Variants in CEP112 observed in about 807,000 individuals in gnomAD.
The protein encoded by CEP112 is centrosomal protein 112.
CEP112 carries 127 observed loss-of-function variants against 153.0 expected under a neutral mutation model. The ratio of observed to expected loss-of-function variants is 0.83; its 90% confidence interval spans 0.72 to 0.96. The LOEUF is 0.96. CEP112 is among the 40% of genes least tolerant of loss of function. The pLI is 0.00. For synonymous variants in CEP112, 358 were observed against 374.4 expected (o/e 0.96, Z 0.51); for missense variants, 1,089 against 1,101.2 (o/e 0.99, Z 0.16).
intron 11 of CEP112, among the ~76,000 whole-genome samples, chr17:66,057,680 A>T (rs1443275): frequency 0.46 from 70,338 of 151,402 alleles, 17,407 homozygotes; most frequent in East Asian, 0.89. Flanking sequence ...AGTGTATCTA[A>T]CATGTGCTTA....
chr17:65,947,584 T>C (rs1373395875), intron 18 of CEP112, among the ~76,000 whole-genome samples: 3 of 152,180 alleles, frequency 2.0e-5, no homozygotes, highest in Admixed American at 2.0e-4. Flanking sequence ...TGAATATTAG[T>C]AGGAAAAAGC....
At chr17:65,859,162 G>A (rs910961453) in intron 20 of CEP112, among the ~76,000 whole-genome samples, 3 of 151,946 alleles carry the variant, frequency 2.0e-5, no homozygotes, top group East Asian at 3.9e-4. Flanking sequence ...AAAAAACATT[G>A]GCCAGGTGCG....
intron 2 of CEP112, among the ~76,000 whole-genome samples, chr17:66,180,245 A>T (rs188391865): frequency 2.4e-4 from 37 of 152,164 alleles, no homozygotes; most frequent in African/African-American, 8.2e-4. Flanking sequence ...TTTTTTGAAT[A>T]GTTTGAGTAA....
chr17:65,992,924 C>T (rs937009871), intron 17 of CEP112, among the ~76,000 whole-genome samples: 1 of 116,422 alleles, frequency 8.6e-6, no homozygotes, highest in African/African-American at 3.8e-5. Context: ...TATGTGTATT[C>T]TTTTTTGTTT....
intron 21 of CEP112, among the ~76,000 whole-genome samples, chr17:65,786,572 C>CTTTTTTTTTTTTTTTTT (rs1195368604): frequency 2.0e-5 from 2 of 101,634 alleles, no homozygotes; most frequent in African/African-American, 3.8e-5. Flanking sequence ...TTAGCCAATT[C>CTTTTTTTTTTTTTTTTT]TTTTTTTTTT....
At chr17:65,859,623 T>C (rs2058238741) in intron 20 of CEP112, among the ~76,000 whole-genome samples, 1 of 151,634 alleles carries the variant, frequency 6.6e-6, no homozygotes, top group Admixed American at 6.6e-5. Context: ...TTCTTTATTG[T>C]GAAGTTTTAA....
chr17:65,766,149 T>C (rs1407943344), intron 21 of CEP112, among the ~76,000 whole-genome samples: 10 of 141,998 alleles, frequency 7.0e-5, no homozygotes, highest in Non-Finnish European at 9.2e-5. Flanking sequence ...CAGAGATAGG[T>C]ATCATAACGA....
At chr17:66,149,653 G>C (rs1319824239) in intron 4 of CEP112, among the ~76,000 whole-genome samples, 1 of 151,486 alleles carries the variant, frequency 6.6e-6, no homozygotes, top group Non-Finnish European at 1.5e-5. Context: ...CTTTTTCTTT[G>C]TGTTAAATTT....
chr17:66,081,527 C>G (rs769147881), intron 8 of CEP112, among the ~76,000 whole-genome samples: 70 of 151,866 alleles, frequency 4.6e-4, no homozygotes, highest in Non-Finnish European at 7.6e-4. Flanking sequence ...AAATCTATAA[C>G]AGTTCTGTCA....
At chr17:66,056,482 C>T (rs539429478) in intron 11 of CEP112, among the ~76,000 whole-genome samples, 11 of 152,328 alleles carry the variant, frequency 7.2e-5, no homozygotes, top group African/African-American at 2.6e-4. Flanking sequence ...GGAGTCAACT[C>T]AAATGTCTAT....
intron 20 of CEP112, among the ~76,000 whole-genome samples, chr17:65,858,552 T>G (rs991026055): frequency 6.6e-6 from 1 of 152,174 alleles, no homozygotes; most frequent in Non-Finnish European, 1.5e-5. Flanking sequence ...TTAATGTTAT[T>G]AATATCTCTC....
At chr17:66,003,668 AC>A (rs2064151198) in intron 17 of CEP112, among the ~76,000 whole-genome samples, 2 of 152,192 alleles carry the variant, frequency 1.3e-5, no homozygotes, top group South Asian at 4.1e-4. Flanking sequence ...TGGGCACCAT[AC>A]AGGTCCATGG....
At chr17:65,641,795 C>A (rs532448168) in intron 24 of CEP112, among the ~76,000 whole-genome samples, 1 of 152,198 alleles carries the variant, frequency 6.6e-6, no homozygotes, top group Admixed American at 6.5e-5. Context: ...GTAGTTGGGG[C>A]ACTAAATGTG....
chr17:65,862,358 G>T lies in CEP112; in HGVS notation c.2164-10324C>A, dbSNP rs561776974. On this transcript the variant is annotated intron_variant, in intron 20 of 26. Coordinates refer to ENST00000535342, the MANE Select transcript of CEP112 (RefSeq NM_001199165.4). ...AATCCTAGCACTTTGGGAGGCCAAG[G>T]CGAGTGGATCACGAGGTCAGGAGAT... Among the ~76,000 whole-genome samples the T allele has an allele frequency of 2.0e-5, 3 of 152,266 alleles. No individual in the cohort carries two copies. The East Asian group carries it at 5.8e-4, about 29-fold the overall frequency.
At chr17:66,074,371 T>C (rs1320675180) in intron 8 of CEP112, among the ~76,000 whole-genome samples, 1 of 152,054 alleles carries the variant, frequency 6.6e-6, no homozygotes, top group Non-Finnish European at 1.5e-5. Flanking sequence ...GAGTCTAATA[T>C]ACATGTAATT....
intron 4 of CEP112, among the ~76,000 whole-genome samples, chr17:66,172,174 C>G (rs538199515): frequency 2.0e-5 from 3 of 152,192 alleles, no homozygotes; most frequent in Non-Finnish European, 2.9e-5. Context: ...ATTCCTAACA[C>G]GTTCCTTCCC....
chr17:65,679,884 C>T lies in CEP112; in HGVS notation c.2697+9245G>A, dbSNP rs7215263. ...ATACTAGTTGTAACGGTATAACAGG[C>T]GGAAGGAGCTAAGGAGCTTCCAGAG... On this transcript the variant is annotated intron_variant, in intron 24 of 26. Coordinates refer to ENST00000535342, the MANE Select transcript of CEP112 (RefSeq NM_001199165.4). 1.7e-3 allele frequency among the ~76,000 whole-genome samples: 265 copies of T among 152,238 alleles called. 1 individual carries two copies. The highest frequency in any genetic ancestry group is 6.1e-3 in the African/African-American group (255 of 41,544).
chr17:65,755,743 T>C (rs749789960), intron 21 of CEP112, among the ~76,000 whole-genome samples: 3 of 151,660 alleles, frequency 2.0e-5, no homozygotes, highest in Non-Finnish European at 2.9e-5. Context: ...ACTAGATGAA[T>C]GAGGTTGTCA....
intron 17 of CEP112, among the ~76,000 whole-genome samples, chr17:65,996,906 T>A (rs1172576549): frequency 1.3e-5 from 2 of 152,180 alleles, no homozygotes; most frequent in African/African-American, 4.8e-5. Flanking sequence ...AGAATACTTT[T>A]TCTTTTCATT....
Sources: gnomAD v4.1 joint callset for allele counts (sites outside exome capture counted in the v4.1 genomes callset) on GRCh38, gnomAD v4.1.1 for gene constraint, MANE v1.5 for transcripts, NCBI Gene and HGNC (gene_info 2026-07-23, HGNC 2026-07-21) for gene names.